The following TMEM74 variants were observed in gnomAD, a reference collection of about 807,000 sequenced individuals.
TMEM74 encodes transmembrane protein 74.
A neutral mutation model predicts 18.1 loss-of-function variants in TMEM74; 13 were observed. That is an observed-to-expected ratio of 0.72 (90% CI 0.47 to 1.14). The LOEUF (loss-of-function observed/expected upper bound fraction) is 1.14. TMEM74 is among the 50% of genes most tolerant of loss of function. TMEM74 has a pLI of 0.00. For synonymous variants in TMEM74, 159 were observed against 146.6 expected (o/e 1.08, Z -0.61); for missense variants, 372 against 375.9 (o/e 0.99, Z 0.09).
intron 1 of TMEM74, among the ~76,000 whole-genome samples, chr8:108,663,936 A>G (rs1329180608): frequency 1.3e-5 from 2 of 152,124 alleles, no homozygotes; most frequent in Non-Finnish European, 1.5e-5. Context: ...ATCAGAGGAA[A>G]CAACACACAC....
intron 2 of TMEM74, among the ~76,000 whole-genome samples, chr8:108,610,626 A>G (rs1338822343): frequency 6.6e-6 from 1 of 152,238 alleles, no homozygotes; most frequent in Non-Finnish European, 1.5e-5. Context: ...CAGAACAGCC[A>G]CAGGAATGCC....
intron 1 of TMEM74, among the ~76,000 whole-genome samples, chr8:108,655,950 A>C (rs1459613835): frequency 1.3e-5 from 2 of 152,154 alleles, no homozygotes; most frequent in African/African-American, 4.8e-5. Context: ...TCTATAGGAA[A>C]GTTTAAAAAG....
At chr8:108,690,501 G>A (rs1042651944) in intron 1 of TMEM74, among the ~76,000 whole-genome samples, 13 of 151,248 alleles carry the variant, frequency 8.6e-5, no homozygotes, top group Non-Finnish European at 1.8e-4. Context: ...TTCTCTCCCT[G>A]AAATCTGCCA....
At chr8:108,609,446 G>A (rs901186727) in intron 2 of TMEM74, among the ~76,000 whole-genome samples, 2 of 152,158 alleles carry the variant, frequency 1.3e-5, no homozygotes, top group Non-Finnish European at 2.9e-5. Context: ...TCAGGAATTG[G>A]ATACCAGCCT....
At chr8:108,754,956 T>TGATG (rs1453656707) in intron 1 of TMEM74, among the ~76,000 whole-genome samples, 1 of 152,002 alleles carries the variant, frequency 6.6e-6, no homozygotes. Flanking sequence ...ATGAATTGGG[T>TGATG]GATGCCCACT....
At chr8:108,617,666 C>A (rs1175981805) in intron 2 of TMEM74, among the ~76,000 whole-genome samples, 1 of 151,922 alleles carries the variant, frequency 6.6e-6, no homozygotes, top group Admixed American at 6.6e-5. Context: ...AGGAAGAACC[C>A]AGACCCCATA....
intron 1 of TMEM74, among the ~76,000 whole-genome samples, chr8:108,703,868 T>C (rs1813363112): frequency 6.6e-6 from 1 of 152,236 alleles, no homozygotes. Context: ...CCTTCTGTAC[T>C]CATACCAAAC....
intron 2 of TMEM74, among the ~76,000 whole-genome samples, chr8:108,613,876 G>A (rs1301761614): frequency 6.6e-6 from 1 of 152,066 alleles, no homozygotes. Context: ...CTGAAACTTT[G>A]AGCACATTAC....
intron 2 of TMEM74, chr8:108,655,265 A>G (rs1812810443): frequency 6.6e-6 from 1 of 152,090 alleles, no homozygotes; most frequent in African/African-American, 2.4e-5. Context: ...AGAGGCAAAT[A>G]TGTATTTCAG....
chr8:108,674,691 A>T (rs559677431), intron 1 of TMEM74, among the ~76,000 whole-genome samples: 2 of 152,338 alleles, frequency 1.3e-5, no homozygotes, highest in East Asian at 3.9e-4. Flanking sequence ...TGGACCAAAA[A>T]TACTTGTAGT....
chr8:108,755,694 T>C (rs1813952691), intron 1 of TMEM74, among the ~76,000 whole-genome samples: 3 of 152,126 alleles, frequency 2.0e-5, no homozygotes, highest in African/African-American at 7.2e-5. Context: ...TGAATTCTGA[T>C]AATGATTGGT....
chr8:108,697,969 T>C (rs1813297052), intron 1 of TMEM74, among the ~76,000 whole-genome samples: 1 of 152,196 alleles, frequency 6.6e-6, no homozygotes, highest in South Asian at 2.1e-4. Flanking sequence ...CTGATCACCC[T>C]TTACCCTGAG....
intron 1 of TMEM74, among the ~76,000 whole-genome samples, chr8:108,695,266 A>C (rs1233597806): frequency 6.6e-6 from 1 of 152,202 alleles, no homozygotes; most frequent in Non-Finnish European, 1.5e-5. Flanking sequence ...TGGATGTGGG[A>C]AATGAAATTC....
At chr8:108,680,864 C>T (rs1813106575) in intron 1 of TMEM74, among the ~76,000 whole-genome samples, 1 of 152,130 alleles carries the variant, frequency 6.6e-6, no homozygotes, top group African/African-American at 2.4e-5. Flanking sequence ...CATTCTTATA[C>T]ACCAATAACA....
At chr8:108,661,689 G>T (rs1812901357) in intron 1 of TMEM74, among the ~76,000 whole-genome samples, 1 of 152,030 alleles carries the variant, frequency 6.6e-6, no homozygotes, top group South Asian at 2.1e-4. Flanking sequence ...TGCTGTAAGG[G>T]TAAGCACAGA....
At chr8:108,644,907 T>C (rs1006121796) in intron 2 of TMEM74, among the ~76,000 whole-genome samples, 11 of 152,020 alleles carry the variant, frequency 7.2e-5, no homozygotes, top group African/African-American at 2.7e-4. Context: ...TTAGTGAGAG[T>C]GTAAATTAGT....
At chr8:108,679,226 A>G (rs1356894301) in intron 1 of TMEM74, among the ~76,000 whole-genome samples, 1 of 152,162 alleles carries the variant, frequency 6.6e-6, no homozygotes, top group Non-Finnish European at 1.5e-5. Flanking sequence ...ATCTGTCTTT[A>G]CAGCAGCATG....
intron 1 of TMEM74, among the ~76,000 whole-genome samples, chr8:108,662,682 G>A (rs1411101154): frequency 6.6e-6 from 1 of 152,086 alleles, no homozygotes; most frequent in African/African-American, 2.4e-5. Flanking sequence ...AGGGTTTGAG[G>A]TTCCTTAGAG....
At chr8:108,687,168 CA>C (rs1216197080) in intron 1 of TMEM74, among the ~76,000 whole-genome samples, 15 of 151,712 alleles carry the variant, frequency 9.9e-5, no homozygotes, top group African/African-American at 3.4e-4. Context: ...TATACAATCA[CA>C]AAAAACTACT....
Sources: gnomAD v4.1 joint callset for allele counts (sites outside exome capture counted in the v4.1 genomes callset) on GRCh38, gnomAD v4.1.1 for gene constraint, MANE v1.5 for transcripts, NCBI Gene and HGNC (gene_info 2026-07-23, HGNC 2026-07-21) for gene names.